RUVBL2: variants seen among roughly 807,000 people sequenced by gnomAD.
RUVBL2 encodes the protein RuvB like AAA ATPase 2.
In RUVBL2, 9 loss-of-function variants were observed where a neutral mutation model predicts 57.9. The ratio of observed to expected loss-of-function variants is 0.16; its 90% CI spans 0.09 to 0.27. RUVBL2 has a LOEUF of 0.27. Ranked by LOEUF, RUVBL2 falls within the 10% of genes least tolerant of loss-of-function variation. The pLI is 1.00. For missense variants in RUVBL2, 456 were observed against 669.6 expected, an observed-to-expected ratio of 0.68 and a Z score of 3.52; for synonymous variants, 278 against 264.6, an observed-to-expected ratio of 1.05 and a Z score of -0.49.
At chr19:49,013,198 G>A (rs560916458) in intron 11 of RUVBL2, among the ~76,000 whole-genome samples, 24 of 151,886 alleles carry the variant, frequency 1.6e-4, no homozygotes, top group East Asian at 9.7e-4. Context: ...TCCTGACCTC[G>A]TGATCTGCCC....
At chr19:49,007,171 T>C in intron 5 of RUVBL2, 24 bp downstream of exon 5, 1 of 1,612,630 alleles carries the variant, frequency 6.2e-7, no homozygotes, top group East Asian at 2.2e-5. Flanking sequence ...CCGAGGCGGG[T>C]GCCAGACCCC....
chr19:49,011,886 G>A lies in RUVBL2; in HGVS notation c.1001+576G>A, dbSNP rs889903136. 8.3e-6 allele frequency among the ~76,000 whole-genome samples: 1 copy of A among 120,324 alleles called. No homozygotes were observed. 78.9% of individuals were successfully genotyped at this position (120,324 alleles called of 152,430 possible). A position where few individuals can be genotyped will look rare whatever the true frequency, so the allele number is the denominator to read the frequency against. On this transcript the variant is annotated intron_variant, in intron 11 of 14. Transcript: ENST00000595090. This position sits in a 1 kb window ranked among gnomAD's most constrained non-coding sequence, Gnocchi z 4.4. ...GGGGACAGATTCCTGTGACACAGAGGGTACTGTGCTGTGCTGAAGCCTGGG... is the reference window on the plus strand; with the variant it reads ...GGGGACAGATTCCTGTGACACAGAGAGTACTGTGCTGTGCTGAAGCCTGGG...
In RUVBL2 at chr19:49,011,986, G is replaced by A. The variant is rs1456876996; in HGVS notation, c.1001+676G>A. 6.6e-6 allele frequency among the ~76,000 whole-genome samples: 1 copy of A among 152,152 alleles called. No homozygotes were observed. The highest frequency in any genetic ancestry group is 2.4e-5 in the African/African-American group (1 of 41,428). On this transcript the variant is annotated intron_variant, in intron 11 of 14. Transcript: ENST00000595090. This position sits in a 1 kb window ranked among gnomAD's most constrained non-coding sequence, Gnocchi z 4.4. Reference sequence around the variant, plus strand: ...GCACCTGCCACCATGCCCGCTGGCTGTCTTCTCCACCTCGCCACATTTTGG... The same window carrying A: ...GCACCTGCCACCATGCCCGCTGGCTATCTTCTCCACCTCGCCACATTTTGG...
rs1568640376 is a variant in RUVBL2, at chr19:49,010,468, C to CCG, written c.664-19_664-18insGC. On this transcript the variant is annotated intron_variant, in intron 8 of 14. Coordinates refer to ENST00000595090, the MANE Select transcript of RUVBL2 (RefSeq NM_006666.3). ...TCCCTGCCCTGTCTCCGCCGTTCTTCCCCCACCCCCGCCCCATAGACCAAG... is the reference window on the plus strand; with the variant it reads ...TCCCTGCCCTGTCTCCGCCGTTCTTCCGCCCCACCCCCGCCCCATAGACCAAG... The CCG allele has an allele frequency of 7.1e-5, 57 of 807,004 alleles. No individual in the cohort carries two copies. The highest frequency in any genetic ancestry group is 1.0e-4 in the Non-Finnish European group (53 of 508,726). 50.0% of individuals were successfully genotyped at this position (807,004 alleles called of 1,614,324 possible).
At chr19:49,013,232 G>A (rs2039470556) in intron 11 of RUVBL2, among the ~76,000 whole-genome samples, 2 of 151,686 alleles carry the variant, frequency 1.3e-5, no homozygotes, top group South Asian at 4.2e-4. Flanking sequence ...AAAGTGTTGA[G>A]ATTACAGGGG....
chr19:48,998,038 C>T (rs2039098255), intron 1 of RUVBL2, among the ~76,000 whole-genome samples: 1 of 152,234 alleles, frequency 6.6e-6, no homozygotes, highest in Admixed American at 6.5e-5. Flanking sequence ...TCATGGGACT[C>T]ATGTCCACTG....
chr19:48,993,903 G>A lies in RUVBL2; in HGVS notation c.-9G>A. On this transcript the variant is annotated 5_prime_UTR_variant, in exon 1 of 15. In the 5' UTR this introduces an upstream ATG that the reference lacks. Coordinates refer to ENST00000595090, the MANE Select transcript of RUVBL2 (RefSeq NM_006666.3). ...GTTTCCGCTAGGACTCTGGCAGTTG[G>A]TGAGCATCATGGCAACCGTTGTAAG... is the stretch of plus-strand genomic sequence containing the variant. 6.2e-7 allele frequency: 1 copy of A among 1,614,140 alleles called. No individual in the cohort carries two copies. The highest frequency in any genetic ancestry group is 1.3e-5 in the African/African-American group (1 of 75,044).
chr19:49,011,160 G>T lies in RUVBL2; in HGVS notation c.883-32G>T. 1 of 1,611,460 alleles carries T rather than the reference G, an allele frequency of 6.2e-7. No individual in the cohort carries two copies. The highest frequency in any genetic ancestry group is 8.5e-7 in the Non-Finnish European group (1 of 1,178,186). ...GGTGGGCCGGGGAAGTGGGGACGCG[G>T]GTGGTGACTCTCACACACACCCCAA... On this transcript the variant is annotated intron_variant, in intron 10 of 14. Transcript: ENST00000595090. The surrounding 1 kb of genome is among the most constrained non-coding windows in gnomAD (Gnocchi z 4.4).
intron 2 of RUVBL2, among the ~76,000 whole-genome samples, chr19:49,000,854 A>G (rs1224226266): frequency 1.3e-5 from 2 of 151,946 alleles, no homozygotes; most frequent in Admixed American, 6.6e-5. Context: ...CATCTCAAAA[A>G]CAAACAAAAA....
At chr19:48,993,764 C>T, upstream of RUVBL2, 1 of 1,026,956 alleles carries the variant, frequency 9.7e-7, no homozygotes, top group Non-Finnish European at 1.5e-6. Context: ...GAGGGCGGGG[C>T]ATAAAGTCCC....
Position 49,014,548 on chromosome 19 carries a change from A to G in RUVBL2, c.1066A>G (p.Ile356Val). The stretch of plus-strand genomic sequence containing the variant: ...CATAGACCTGCTGGACCGGCTGCTT[A>G]TCGTCTCCACCACCCCCTACAGCGA... ...IPIDLLDRLL[I>V]VSTTPYSEKD... Residue 356 changes from isoleucine (I) to valine (V), a missense_variant, in exon 12 of 15, where the codon ATC becomes GTC. By Grantham distance (29) the Ile-to-Val change is conservative. This residue lies in a region of RUVBL2 where 130 missense variants were observed against 243.0 expected (regional missense o/e 0.53). Transcript: ENST00000595090. 1 of 1,614,124 alleles carries G rather than the reference A, an allele frequency of 6.2e-7. No individual in the cohort carries two copies. The highest frequency in any genetic ancestry group is 8.5e-7 in the Non-Finnish European group (1 of 1,180,010).
chr19:48,993,515 C>G (rs1428804519), upstream of RUVBL2: 1 of 432,772 alleles, frequency 2.3e-6, no homozygotes, highest in African/African-American at 2.0e-5. Context: ...TTTACGGAAA[C>G]GAGTGGCCTT....
intron 8 of RUVBL2, 82 bp downstream of exon 8, chr19:49,010,148 G>T (rs2039382487): frequency 3.9e-6 from 5 of 1,273,262 alleles, no homozygotes; most frequent in South Asian, 3.7e-5. Flanking sequence ...GACCCATGGG[G>T]TCTGGATCTT....
At chr19:49,007,417 G>T in intron 6 of RUVBL2, 49 bp downstream of exon 6, 2 of 1,547,024 alleles carry the variant, frequency 1.3e-6, no homozygotes, top group Non-Finnish European at 1.8e-6. Context: ...CCAGCGCCAG[G>T]GTTGGAGAGA....
In RUVBL2 at chr19:49,015,949, G is replaced by T. The variant is rs569880835; in HGVS notation, c.*107G>T. On this transcript the variant is annotated 3_prime_UTR_variant, in exon 15 of 15. Transcript: ENST00000595090. ...GCACCCACCCTGTGTATGTGTGGTT[G>T]CCCTGAGCCCACAGAAAGACACCTC... is the stretch of plus-strand genomic sequence containing the variant. 18 of 1,614,210 alleles carry T rather than the reference G, an allele frequency of 1.1e-5. No individual in the cohort carries two copies. The highest frequency in any genetic ancestry group is 1.4e-5 in the Non-Finnish European group (16 of 1,180,010).
intron 6 of RUVBL2, among the ~76,000 whole-genome samples, chr19:49,009,160 CAAAAAAAAAAAAAAAAAA>C (rs61402282): frequency 1.5e-3 from 32 of 21,426 alleles, no homozygotes; most frequent in East Asian, 0.01. Context: ...GACTCTATCT[CAAAAAAAAAAAAAAAAAA>C]AAAAAAAAAA....
intron 1 of RUVBL2, among the ~76,000 whole-genome samples, chr19:48,996,682 C>T (rs575377224): frequency 4.0e-4 from 61 of 152,288 alleles, no homozygotes; most frequent in African/African-American, 1.3e-3. Flanking sequence ...CCTGCCACCA[C>T]GCCTGGCTAA....
At chr19:49,009,694 C>G in intron 6 of RUVBL2, 82 bp from the exon 7 acceptor site, 2 of 1,219,426 alleles carry the variant, frequency 1.6e-6, no homozygotes, top group Non-Finnish European at 2.4e-6. Context: ...AGAGCAGAGC[C>G]AGAAGCTTAT....
At chr19:48,994,012 G>T in intron 1 of RUVBL2, 89 bp downstream of exon 1, 1 of 1,525,342 alleles carries the variant, frequency 6.6e-7, no homozygotes. Flanking sequence ...TCCTGGGTCT[G>T]AGGGAGGGGG....
Sources: allele counts gnomAD v4.1 joint callset (sites outside exome capture counted in the v4.1 genomes callset), GRCh38; gene constraint gnomAD v4.1.1; regional missense constraint gnomAD v4.1.1; non-coding constraint Gnocchi (gnomAD v3.1); transcripts MANE v1.5; gene names NCBI Gene and HGNC (gene_info 2026-07-23, HGNC 2026-07-21).